The following ANTXR2 variants were observed in gnomAD, a reference collection of about 807,000 sequenced individuals.
The protein encoded by ANTXR2 is anthrax toxin receptor 2.
Under a neutral mutation model 73.7 loss-of-function variants are expected in ANTXR2, and 44 were observed. That is an observed-to-expected ratio of 0.60 (90% CI 0.47 to 0.77). ANTXR2 has a LOEUF of 0.77. Among genes scored for constraint, ANTXR2 ranks in the 30% least tolerant of loss-of-function variants. The probability of loss-of-function intolerance (pLI) is 0.00; values close to 1 mark genes in which losing one functional copy is unlikely to be tolerated. For synonymous variants in ANTXR2, 217 were observed against 205.9 expected, an observed-to-expected ratio of 1.05 and a Z score of -0.46; for missense variants, 604 against 592.5, an observed-to-expected ratio of 1.02 and a Z score of -0.20.
intron 16 of ANTXR2, among the ~76,000 whole-genome samples, chr4:79,976,237 C>G (rs1016952354): frequency 6.6e-6 from 1 of 152,034 alleles, no homozygotes; most frequent in Non-Finnish European, 1.5e-5. Context: ...AAAAAAAAAT[C>G]CCCTGAAGTT....
Position 79,903,233 on chromosome 4 carries a change from C to G in ANTXR2, c.*4196G>C, listed in dbSNP as rs1309475548. On this transcript the variant is annotated 3_prime_UTR_variant, in exon 17 of 17. Coordinates refer to ENST00000403729, the MANE Select transcript of ANTXR2 (RefSeq NM_058172.6). ...CTTCAGTCTATGGTTGAGAGTTGAT[C>G]TGTTCAACATCAGCAAGCTAGTTGA... 6.6e-6 allele frequency: 1 copy of G among 151,944 alleles called. No individual in the cohort carries two copies. Among genetic ancestry groups the G allele is most frequent in the Non-Finnish European group, 1.5e-5 (1 of 68,022 alleles). The allele number at this position is 151,944 out of a possible 1,614,324, so 9.4% of individuals were successfully genotyped here.
intron 16 of ANTXR2, among the ~76,000 whole-genome samples, chr4:79,913,231 T>A (rs908472336): frequency 3.9e-5 from 6 of 152,178 alleles, no homozygotes; most frequent in African/African-American, 1.4e-4. Flanking sequence ...ACAATTACTA[T>A]CTTGGTGTAC....
At chr4:80,052,979 T>TA (rs1733837243) in intron 7 of ANTXR2, among the ~76,000 whole-genome samples, 1 of 151,468 alleles carries the variant, frequency 6.6e-6, no homozygotes, top group Non-Finnish European at 1.5e-5. Flanking sequence ...TTTTAGATAT[T>TA]AAAAAAATCC....
At chr4:80,043,115 G>A (rs1187142521) in intron 7 of ANTXR2, among the ~76,000 whole-genome samples, 1 of 151,980 alleles carries the variant, frequency 6.6e-6, no homozygotes, top group Non-Finnish European at 1.5e-5. Context: ...GGTACAATGT[G>A]TCTTATTCCA....
chr4:79,962,525 T>C (rs1333988533), intron 16 of ANTXR2, among the ~76,000 whole-genome samples: 1 of 152,154 alleles, frequency 6.6e-6, no homozygotes, highest in Admixed American at 6.5e-5. Flanking sequence ...TTTTCCAGCT[T>C]TGTTGCATCA....
At chr4:79,935,997 C>A (rs6824433) in intron 16 of ANTXR2, among the ~76,000 whole-genome samples, 114,529 of 152,072 alleles carry the variant, frequency 0.75, 43,409 homozygotes, top group East Asian at 0.96. Flanking sequence ...CCTGTTCCAA[C>A]AAAAGAGCAC....
chr4:79,977,803 C>T, intron 15 of ANTXR2, 102 bp from the exon 16 acceptor site: 4 of 1,304,918 alleles, frequency 3.1e-6, no homozygotes, highest in African/African-American at 3.0e-5. Flanking sequence ...CTTCTTTACC[C>T]TCATTTCTTT....
chr4:80,027,197 C>T (rs1387343059), intron 10 of ANTXR2, among the ~76,000 whole-genome samples: 6 of 151,968 alleles, frequency 3.9e-5, no homozygotes, highest in African/African-American at 9.7e-5. Flanking sequence ...CTGCTACTAA[C>T]ATAAGAGAAT....
chr4:79,984,120 T>C (rs986510890), intron 13 of ANTXR2, 150 bp from the exon 14 acceptor site: 13 of 596,714 alleles, frequency 2.2e-5, no homozygotes, highest in African/African-American at 5.9e-5. Context: ...TACACTTACA[T>C]GCATAAATTT....
At chr4:80,027,600 C>G (rs1732502339) in intron 10 of ANTXR2, among the ~76,000 whole-genome samples, 1 of 152,146 alleles carries the variant, frequency 6.6e-6, no homozygotes, top group African/African-American at 2.4e-5. Flanking sequence ...CCAGAAGATT[C>G]TGGCCAATGT....
intron 14 of ANTXR2, among the ~76,000 whole-genome samples, chr4:79,983,235 A>G (rs1453221539): frequency 6.6e-6 from 1 of 152,138 alleles, no homozygotes; most frequent in African/African-American, 2.4e-5. Context: ...AGTGCTGGTA[A>G]TAATTGCTTA....
intron 16 of ANTXR2, among the ~76,000 whole-genome samples, chr4:79,933,940 G>A (rs1300774278): frequency 1.3e-5 from 2 of 151,746 alleles, no homozygotes; most frequent in Non-Finnish European, 2.9e-5. Flanking sequence ...GGGTTTCGCC[G>A]TGTTAGGGAA....
At chr4:80,027,452 T>G (rs2110077963) in intron 10 of ANTXR2, among the ~76,000 whole-genome samples, 1 of 152,280 alleles carries the variant, frequency 6.6e-6, no homozygotes, top group East Asian at 1.9e-4. Context: ...ATCCTTCAGT[T>G]TTCCTTGAAA....
At chr4:79,926,150 A>G (rs1196572703) in intron 16 of ANTXR2, among the ~76,000 whole-genome samples, 3 of 152,160 alleles carry the variant, frequency 2.0e-5, no homozygotes, top group Non-Finnish European at 4.4e-5. Context: ...CAATAAATCA[A>G]TAAATACTTT....
chr4:79,919,406 G>A (rs1384494676), intron 16 of ANTXR2, among the ~76,000 whole-genome samples: 1 of 152,122 alleles, frequency 6.6e-6, no homozygotes, highest in African/African-American at 2.4e-5. Flanking sequence ...AGGATGCAAA[G>A]TATTGTTCCA....
In ANTXR2 at chr4:80,010,088, A is replaced by G. The variant is rs1171444503; in HGVS notation, c.946-1472T>C. Among the ~76,000 whole-genome samples the G allele has an allele frequency of 2.6e-5, 4 of 151,646 alleles. No homozygotes were observed. In the South Asian group the frequency reaches 8.3e-4, roughly 31 times the overall value. Reference sequence around the variant, plus strand: ...AAAAAATTCAGGGAAGAAAAGAAAAAGAGCAAAAGAGAAAGAAGATTAATA... The same window carrying G: ...AAAAAATTCAGGGAAGAAAAGAAAAGGAGCAAAAGAGAAAGAAGATTAATA... On this transcript the variant is annotated intron_variant, in intron 11 of 16. Coordinates refer to ENST00000403729, the MANE Select transcript of ANTXR2 (RefSeq NM_058172.6).
chr4:79,962,873 A>G lies in ANTXR2; in HGVS notation c.1428+14748T>C, dbSNP rs139178002. On this transcript the variant is annotated intron_variant, in intron 16 of 16. Coordinates refer to ENST00000403729, the MANE Select transcript of ANTXR2 (RefSeq NM_058172.6). Reference sequence around the variant, plus strand: ...ATAATATTGAGTAGCCCAGGCTATCAATATACATATATTTTAATGATTTTT... The same window carrying G: ...ATAATATTGAGTAGCCCAGGCTATCGATATACATATATTTTAATGATTTTT... Among the ~76,000 whole-genome samples the G allele has an allele frequency of 5.4e-3, 815 of 152,308 alleles. 9 individuals carry two copies. The highest frequency in any genetic ancestry group is 0.019 in the African/African-American group (770 of 41,570).
chr4:80,009,365 GC>G (rs1295354356), intron 11 of ANTXR2, among the ~76,000 whole-genome samples: 1 of 152,112 alleles, frequency 6.6e-6, no homozygotes, highest in Admixed American at 6.5e-5. Flanking sequence ...ACTATAAAAT[GC>G]CCCTTTGATT....
chr4:80,070,748 T>G (rs1734749288), intron 2 of ANTXR2, among the ~76,000 whole-genome samples: 1 of 152,228 alleles, frequency 6.6e-6, no homozygotes, highest in Non-Finnish European at 1.5e-5. Flanking sequence ...CATCCAAGCC[T>G]GTTTTACAGA....
Sources: allele counts gnomAD v4.1 joint callset (sites outside exome capture counted in the v4.1 genomes callset), GRCh38; gene constraint gnomAD v4.1.1; transcripts MANE v1.5; gene names NCBI Gene and HGNC (gene_info 2026-07-23, HGNC 2026-07-21).